AFF2: variants seen among roughly 807,000 people sequenced by gnomAD.
AFF2 encodes AF4/FMR2 family member 2.
In AFF2, 14 loss-of-function variants were observed where a neutral mutation model predicts 76.9. The observed-to-expected ratio is 0.18, with a 90% CI of 0.12 to 0.28. The LOEUF is 0.28. AFF2 is among the 10% of genes least tolerant of loss of function. AFF2 has a pLI of 1.00. For synonymous variants in AFF2, 398 were observed against 366.7 expected, an observed-to-expected ratio of 1.09 and a Z score of -0.98; for missense variants, 868 against 1,001.1, an observed-to-expected ratio of 0.87 and a Z score of 1.79.
At chrX:148,768,121 G>A (rs782081895) in intron 3 of AFF2, among the ~76,000 whole-genome samples, 3 of 107,746 alleles carry the variant, frequency 2.8e-5, no homozygotes, top group Non-Finnish European at 5.7e-5. Flanking sequence ...TTCATCCTAC[G>A]AGAGACTGAT....
intron 3 of AFF2, among the ~76,000 whole-genome samples, chrX:148,670,471 AGTGAGTAAAAT>A (rs1569552889): frequency 1.8e-5 from 2 of 111,895 alleles, no homozygotes; most frequent in Admixed American, 9.5e-5. Context: ...AGAAAGGGGA[AGTGAGTAAAAT>A]GTGAAGTATA....
At chrX:148,914,812 G>C (rs2071509122) in intron 9 of AFF2, among the ~76,000 whole-genome samples, 1 of 112,703 alleles carries the variant, frequency 8.9e-6, no homozygotes, top group African/African-American at 3.2e-5. Flanking sequence ...TTTAGCTTCA[G>C]TTTCTGAATT....
chrX:148,775,878 A>G (rs1557268528), intron 3 of AFF2, among the ~76,000 whole-genome samples: 1 of 107,489 alleles, frequency 9.3e-6, no homozygotes, highest in Admixed American at 1.0e-4. Context: ...TTTTTCATGT[A>G]CTTTAAGTTC....
chrX:148,576,543 T>G (rs1434688266), intron 1 of AFF2, among the ~76,000 whole-genome samples: 1 of 111,517 alleles, frequency 9.0e-6, no homozygotes, highest in African/African-American at 3.3e-5. Flanking sequence ...TCCTTTATAA[T>G]GGCATGTTGC....
intron 1 of AFF2, among the ~76,000 whole-genome samples, chrX:148,573,460 G>A (rs782523933): frequency 9.0e-6 from 1 of 111,416 alleles, no homozygotes; most frequent in Non-Finnish European, 1.9e-5. Flanking sequence ...TCTGTGGAAT[G>A]CGATAATCGA....
rs1557261527 is a variant in AFF2 at position 148,698,588 on chromosome X, T to G, written c.1041+35820T>G. ...AAAAAGTATTTATACACAGAATACT[T>G]AGCACATGCAAAAAATGGACAGAGT... On this transcript the variant is annotated intron_variant, in intron 3 of 20. Transcript: ENST00000370460. Among the ~76,000 whole-genome samples the G allele has an allele frequency of 2.7e-5, 3 of 112,338 alleles. No homozygotes were observed. In the Admixed American group the frequency reaches 2.8e-4, roughly 11 times the overall value.
chrX:148,639,927 G>C (rs188883478), intron 1 of AFF2, among the ~76,000 whole-genome samples: 1 of 110,922 alleles, frequency 9.0e-6, no homozygotes, highest in African/African-American at 3.4e-5. Context: ...ACCTTAAGTA[G>C]TACTAAAGAT....
At chrX:148,877,525 T>C (rs1451746070) in intron 7 of AFF2, among the ~76,000 whole-genome samples, 1 of 112,878 alleles carries the variant, frequency 8.9e-6, no homozygotes, top group Non-Finnish European at 1.9e-5. Context: ...TAGTTGGGCC[T>C]ACATTGTCAG....
chrX:148,730,332 C>G (rs2055205819), intron 3 of AFF2, among the ~76,000 whole-genome samples: 1 of 112,211 alleles, frequency 8.9e-6, no homozygotes, highest in Admixed American at 9.4e-5. Flanking sequence ...ATGAGTTTGC[C>G]TGTCTGTCTG....
At chrX:148,724,386 G>A (rs2055130597) in intron 3 of AFF2, among the ~76,000 whole-genome samples, 1 of 110,898 alleles carries the variant, frequency 9.0e-6, no homozygotes, top group South Asian at 3.9e-4. Flanking sequence ...AACTTTAGAG[G>A]TATCCAACAA....
At chrX:148,802,242 C>G (rs1319263242) in intron 3 of AFF2, among the ~76,000 whole-genome samples, 1 of 112,093 alleles carries the variant, frequency 8.9e-6, no homozygotes, top group Non-Finnish European at 1.9e-5. Flanking sequence ...TGAAAGATCG[C>G]ATAACCCGGT....
chrX:148,798,749 A>G (rs1194731294), intron 3 of AFF2, among the ~76,000 whole-genome samples: 2 of 112,031 alleles, frequency 1.8e-5, no homozygotes, highest in Non-Finnish European at 3.8e-5. Flanking sequence ...TATGCTGTCC[A>G]CGTTAATTGG....
intron 1 of AFF2, among the ~76,000 whole-genome samples, chrX:148,577,434 G>A (rs1557243664): frequency 3.6e-5 from 4 of 112,223 alleles, no homozygotes; most frequent in Admixed American, 9.4e-5. Flanking sequence ...TTCATAAACC[G>A]TGTATGCTGC....
At chrX:148,916,852 G>A (rs1381790750) in intron 9 of AFF2, among the ~76,000 whole-genome samples, 1 of 112,153 alleles carries the variant, frequency 8.9e-6, no homozygotes, top group African/African-American at 3.2e-5. Context: ...CCATACAAGT[G>A]AGAATGTTGT....
In AFF2 at chrX:148,966,851, CCACTGCTACTGT is replaced by C. The variant is rs781898026; in HGVS notation, c.2987_2998del (p.Val996_Thr999del). On this transcript the variant is annotated inframe_deletion, in exon 14 of 21. Transcript: ENST00000370460. ...ATCACTGTCACCAATACTGCTATTG[CCACTGCTACTGT>C]CACTGCTACTGCCATTGTCACCACC... The C allele has an allele frequency of 1.7e-4, 209 of 1,209,016 alleles. No homozygotes were observed. Among genetic ancestry groups the C allele is most frequent in the Non-Finnish European group, 2.2e-4 (200 of 895,078 alleles).
intron 1 of AFF2, among the ~76,000 whole-genome samples, chrX:148,511,411 C>T (rs1425618599): frequency 1.8e-5 from 2 of 111,918 alleles, no homozygotes; most frequent in African/African-American, 3.2e-5. Flanking sequence ...TAATAGTTCC[C>T]GCTTTGGAGG....
At chrX:148,949,025 A>T (rs1413002118) in intron 9 of AFF2, among the ~76,000 whole-genome samples, 1 of 110,546 alleles carries the variant, frequency 9.0e-6, no homozygotes, top group Non-Finnish European at 1.9e-5. Context: ...TTTTGTATTT[A>T]CCGTGGAAGT....
At chrX:148,800,608 T>G (rs782645224) in intron 3 of AFF2, among the ~76,000 whole-genome samples, 20 of 111,843 alleles carry the variant, frequency 1.8e-4, no homozygotes, top group African/African-American at 4.5e-4. Flanking sequence ...GGTACATATT[T>G]AAAAGCTTCT....
Position 148,716,017 on chromosome X carries a change from G to A in AFF2, c.1041+53249G>A, listed in dbSNP as rs191689035. On this transcript the variant is annotated intron_variant, in intron 3 of 20. Coordinates refer to ENST00000370460, the MANE Select transcript of AFF2 (RefSeq NM_002025.4). ...GCATCATTTCTCTCTCTCTCTCTGT[G>A]TGTGTGTGTATTCACAACCACATTA... Among the ~76,000 whole-genome samples, 618 of 111,446 alleles carry A rather than the reference G, an allele frequency of 5.5e-3. 6 individuals are homozygous for A. Among genetic ancestry groups the A allele is most frequent in the African/African-American group, 0.02 (600 of 30,653 alleles).
Sources: gnomAD v4.1 joint callset for allele counts (sites outside exome capture counted in the v4.1 genomes callset) on GRCh38, gnomAD v4.1.1 for gene constraint, MANE v1.5 for transcripts, NCBI Gene and HGNC (gene_info 2026-07-23, HGNC 2026-07-21) for gene names.